The following NRAP variants were observed in gnomAD, a reference collection of about 807,000 sequenced individuals.
NRAP encodes nebulin related anchoring protein, also known as nebulin-related-anchoring protein.
A neutral mutation model predicts 225.9 loss-of-function variants in NRAP; 189 were observed. The ratio of observed to expected loss-of-function variants is 0.84; its 90% CI spans 0.74 to 0.94. The LOEUF (loss-of-function observed/expected upper bound fraction) is 0.94. NRAP is among the 40% of genes least tolerant of loss of function. NRAP has a pLI of 0.00. For missense variants in NRAP, 2,176 were observed against 2,168.7 expected, an observed-to-expected ratio of 1.00 and a Z score of -0.07; for synonymous variants, 769 against 790.7, an observed-to-expected ratio of 0.97 and a Z score of 0.46.
chr10:113,599,608 C>G (rs1268017177), intron 35 of NRAP, among the ~76,000 whole-genome samples: 7 of 152,144 alleles, frequency 4.6e-5, no homozygotes, highest in Admixed American at 6.5e-5. Flanking sequence ...AAAGATCTGA[C>G]TATGCCTCCA....
At chr10:113,595,389 G>C (rs1384627218) in intron 38 of NRAP, among the ~76,000 whole-genome samples, 3 of 148,392 alleles carry the variant, frequency 2.0e-5, no homozygotes, top group Non-Finnish European at 4.4e-5. Flanking sequence ...TTTTAGAGCT[G>C]GAAAGAATCT....
At position 113,628,938 on chromosome 10, in the gene NRAP, C is replaced by T. The variant is rs139063631; in HGVS notation, c.2124G>A (p.Lys708=). ...EGSLNLEQAK[K]AGQLVSEKNY... is the part of the protein sequence containing the mutation. ...TTACCTCGCTGACCAGCTGTCCAGC[C>T]TTCTTGGCTTGTTCCAAGTTGAGAC... Residue 708 remains lysine (K), a synonymous_variant, in exon 20 of 42, where the codon AAG becomes AAA. Transcript: ENST00000359988. 3 of 1,611,050 alleles carry T rather than the reference C, an allele frequency of 1.9e-6. No homozygotes were observed. Among genetic ancestry groups the T allele is most frequent in the Admixed American group, 1.7e-5 (1 of 59,740 alleles).
chr10:113,655,974 G>T (rs1433059987), intron 4 of NRAP, among the ~76,000 whole-genome samples: 1 of 152,100 alleles, frequency 6.6e-6, no homozygotes, highest in Non-Finnish European at 1.5e-5. Context: ...CCTCCTCTCA[G>T]CCAAGGACAT....
Position 113,662,202 on chromosome 10 carries a change from T to G in NRAP, c.255+477A>C, listed in dbSNP as rs73355735. On this transcript the variant is annotated intron_variant, in intron 3 of 41. Coordinates refer to ENST00000359988, the MANE Select transcript of NRAP (RefSeq NM_198060.4). ...CAGGTTCACATGCAGACAGAGACAC[T>G]TAAAAACTTAACATGTGCCTAGCAT... Among the ~76,000 whole-genome samples, 1,163 of 152,296 alleles carry G rather than the reference T, an allele frequency of 7.6e-3. 16 individuals are homozygous for G. The highest frequency in any genetic ancestry group is 0.026 in the African/African-American group (1,078 of 41,566).
chr10:113,663,332 TGGG>T lies in NRAP; in HGVS notation c.167+17_167+19del. On this transcript the variant is annotated intron_variant, in intron 2 of 41. Transcript: ENST00000359988. ...ACAAATAAAACTCAAGAGGTAGTGG[TGGG>T]GGCATCAAACACTTACGCGTGACAG... 7.1e-7 allele frequency: 1 copy of T among 1,403,182 alleles called. No individual in the cohort carries two copies. The highest frequency in any genetic ancestry group is 1.0e-6 in the Non-Finnish European group (1 of 987,876). 86.9% of individuals were successfully genotyped at this position (1,403,182 alleles called of 1,614,324 possible).
chr10:113,592,602 T>C (rs1001987690), intron 38 of NRAP, among the ~76,000 whole-genome samples: 1 of 151,770 alleles, frequency 6.6e-6, no homozygotes, highest in Non-Finnish European at 1.5e-5. Flanking sequence ...CCCCACTCCT[T>C]CCTGTCTTTG....
intron 31 of NRAP, among the ~76,000 whole-genome samples, chr10:113,609,019 G>A (rs1592753697): frequency 1.3e-5 from 2 of 152,186 alleles, no homozygotes; most frequent in Non-Finnish European, 2.9e-5. Context: ...AATTAGCTGA[G>A]CATGGTGGTG....
At chr10:113,644,976 G>A (rs529992812) in intron 11 of NRAP, among the ~76,000 whole-genome samples, 1 of 152,198 alleles carries the variant, frequency 6.6e-6, no homozygotes, top group East Asian at 1.9e-4. Context: ...AGGATATGAG[G>A]TTCTACAGGG....
At chr10:113,647,612 C>CTGGTGGTA (rs1849627596) in intron 9 of NRAP, among the ~76,000 whole-genome samples, 1 of 144,076 alleles carries the variant, frequency 6.9e-6, no homozygotes, top group Non-Finnish European at 1.5e-5. Flanking sequence ...ACTGTCTCCC[C>CTGGTGGTA]CGGTGGTACT....
At chr10:113,661,199 CCT>C (rs1850652936) in intron 3 of NRAP, among the ~76,000 whole-genome samples, 1 of 152,164 alleles carries the variant, frequency 6.6e-6, no homozygotes, top group Admixed American at 6.5e-5. Flanking sequence ...ACAATTTGAG[CCT>C]CTGTTTCCTC....
At chr10:113,655,193 G>A (rs1850233253) in intron 4 of NRAP, among the ~76,000 whole-genome samples, 2 of 152,202 alleles carry the variant, frequency 1.3e-5, no homozygotes, top group South Asian at 4.1e-4. Flanking sequence ...AGAATGTTGG[G>A]AAACAGGCAT....
chr10:113,589,501 T>C (rs1402496472), intron 41 of NRAP, 165 bp downstream of exon 41: 1 of 747,578 alleles, frequency 1.3e-6, no homozygotes, highest in East Asian at 2.6e-5. Context: ...GTCATCTGCC[T>C]GGTCATCTCA....
At position 113,647,029 on chromosome 10, in the gene NRAP, T is replaced by A; in HGVS notation, c.889-2A>T. Reference sequence around the variant, plus strand: ...CTCCTCATACTCCTCCGGGTAACCCTGCCGGGTGCATCAAAAACTTCAGTG... The same window carrying A: ...CTCCTCATACTCCTCCGGGTAACCCAGCCGGGTGCATCAAAAACTTCAGTG... On this transcript the variant is annotated splice_acceptor_variant, in intron 9 of 41. Transcript: ENST00000359988. LOFTEE classifies it high-confidence loss of function. 6.2e-7 allele frequency: 1 copy of A among 1,608,828 alleles called. No individual in the cohort carries two copies. The highest frequency in any genetic ancestry group is 1.1e-5 in the South Asian group (1 of 90,950).
Position 113,608,486 on chromosome 10 carries a change from T to C in NRAP, c.3630A>G (p.Ser1210=). The C allele has an allele frequency of 6.2e-7, 1 of 1,612,738 alleles. No individual in the cohort carries two copies. Among genetic ancestry groups the C allele is most frequent in the Admixed American group, 1.7e-5 (1 of 59,898 alleles). ...SESKYRQHPH[S]FKYTAVTDTP... ...TGTCTGTCACAGCTGTGTACTTGAATGAGTGGGGATGCTGCCGATATTTAC... is the reference window on the plus strand; with the variant it reads ...TGTCTGTCACAGCTGTGTACTTGAACGAGTGGGGATGCTGCCGATATTTAC... Residue 1210 remains serine, a synonymous_variant, in exon 32 of 42, where the codon TCA becomes TCG. Transcript: ENST00000359988.
chr10:113,592,157 T>C lies in NRAP; in HGVS notation c.4644+37A>G, dbSNP rs958950271. On this transcript the variant is annotated intron_variant, in intron 39 of 41. Coordinates refer to ENST00000359988, the MANE Select transcript of NRAP (RefSeq NM_198060.4). ...AGAACTGGGAAAACCAGAGAAAAAC[T>C]CATCAGTGACCGCAGGAGAGAACAT... is the stretch of plus-strand genomic sequence containing the variant. The C allele has an allele frequency of 1.1e-5, 15 of 1,336,752 alleles. No individual in the cohort carries two copies. The African/African-American group carries it at 1.7e-4, about 15-fold the overall frequency. The allele number at this position is 1,336,752 out of a possible 1,614,324, so 82.8% of individuals were successfully genotyped here.
chr10:113,639,493 T>C (rs1267653375), intron 14 of NRAP, among the ~76,000 whole-genome samples: 2 of 152,246 alleles, frequency 1.3e-5, no homozygotes, highest in Non-Finnish European at 2.9e-5. Context: ...AAATATACGC[T>C]GAATTATTTG....
chr10:113,592,225 G>A lies in NRAP; in HGVS notation c.4613C>T (p.Thr1538Ile). The A allele has an allele frequency of 6.2e-7, 1 of 1,611,688 alleles. No individual in the cohort carries two copies. The highest frequency in any genetic ancestry group is 1.7e-5 in the Admixed American group (1 of 59,870). Residue 1538 changes from threonine to isoleucine, a missense_variant, in exon 39 of 42, where the codon ACT (threonine) becomes ATT (isoleucine). Around this residue, in one of 3 missense-constraint regions of NRAP, gnomAD observed 445 missense variants for 426.1 expected, o/e 1.04. Transcript: ENST00000359988. Reference sequence around the variant, plus strand: ...GGCGATCTCCCTAGATGCCCGGGCAGTCTGGAAGGGGATGGCATCCAGCCT... The same window carrying A: ...GGCGATCTCCCTAGATGCCCGGGCAATCTGGAAGGGGATGGCATCCAGCCT... ...DFRLDAIPFQ[T>I]ARASREIASD...
At chr10:113,631,991 G>T in intron 16 of NRAP, 27 bp from the exon 17 acceptor site, 1 of 1,372,414 alleles carries the variant, frequency 7.3e-7, no homozygotes, top group African/African-American at 1.4e-5. Flanking sequence ...CAAGTGAATA[G>T]GAGTTGCTAC....
chr10:113,637,506 G>A (rs978713183), intron 14 of NRAP, among the ~76,000 whole-genome samples: 1 of 152,230 alleles, frequency 6.6e-6, no homozygotes, highest in East Asian at 1.9e-4. Context: ...GCATTGTTTA[G>A]ACAGGGAAAT....
Sources: allele counts gnomAD v4.1 joint callset (sites outside exome capture counted in the v4.1 genomes callset), GRCh38; gene constraint gnomAD v4.1.1; regional missense constraint gnomAD v4.1.1; transcripts MANE v1.5; gene names NCBI Gene and HGNC (gene_info 2026-07-23, HGNC 2026-07-21).